Variants in NPRL3 observed in about 807,000 individuals in gnomAD.
The protein encoded by NPRL3 is GATOR1 complex protein NPRL3.
In NPRL3, 23 loss-of-function variants were observed where a neutral mutation model predicts 57.2. The ratio of observed to expected loss-of-function variants is 0.40; its 90% CI spans 0.29 to 0.57. The LOEUF is 0.57. Among genes scored for constraint, NPRL3 ranks in the 20% least tolerant of loss-of-function variants. The probability of loss-of-function intolerance (pLI) is 0.42; values close to 1 mark genes in which losing one functional copy is unlikely to be tolerated. For synonymous variants in NPRL3, 333 were observed against 321.1 expected (o/e 1.04, Z -0.39); for missense variants, 691 against 767.1 (o/e 0.90, Z 1.17).
In NPRL3 at chr16:100,245, C is replaced by T. The variant is rs1022046147; in HGVS notation, c.767+127G>A. On this transcript the variant is annotated intron_variant, in intron 8 of 13. Coordinates refer to ENST00000611875, the MANE Select transcript of NPRL3 (RefSeq NM_001077350.3). ...AACTTCTATAAACGGCAGAGCCCCA[C>T]CTGCAAGCTTCCGCAGTGGGAAGAA... The T allele has an allele frequency of 3.0e-6, 3 of 1,016,116 alleles. No homozygotes were observed. In the East Asian group the frequency reaches 9.2e-5, roughly 31 times the overall value. The allele number at this position is 1,016,116 out of a possible 1,614,324, so 62.9% of individuals were successfully genotyped here. A position where few individuals can be genotyped will look rare whatever the true frequency, so the allele number is the denominator to read the frequency against.
At position 86,818 on chromosome 16, in the gene NPRL3, C is replaced by T. The variant is rs1319822209; in HGVS notation, c.1597G>A (p.Glu533Lys). The change falls in exon 14 of 14, where the codon GAG becomes AAG. Residue 533 changes from glutamate to lysine, a missense_variant. Glu to Lys is a moderately conservative substitution (Grantham distance 56). Transcript: ENST00000611875. ...AGCAGCTGGGAGCGCCGCGTGTTCT[C>T]GTTGTACATAATCTCCTCCAGGTGG... ...RHHLEEIMYN[E>K]NTRRSQLLML... The T allele has an allele frequency of 1.2e-6, 2 of 1,613,338 alleles. No homozygotes were observed. Among genetic ancestry groups the T allele is most frequent in the African/African-American group, 1.3e-5 (1 of 75,058 alleles).
rs756469966 is a variant in NPRL3 at position 99,344 on chromosome 16, T to TG, written c.767+1027dup. Among the ~76,000 whole-genome samples the TG allele has an allele frequency of 7.2e-4, 110 of 152,324 alleles. 1 individual carries two copies. The highest frequency in any genetic ancestry group is 1.4e-3 in the Admixed American group (21 of 15,290). On this transcript the variant is annotated intron_variant, in intron 8 of 13. Coordinates refer to ENST00000611875, the MANE Select transcript of NPRL3 (RefSeq NM_001077350.3). Reference sequence around the variant, plus strand: ...AGAAGACTGGGCTCAGTTCTTTCCTTGCAGAAAATCAATTAAATTGCCAGG... The same window carrying TG: ...AGAAGACTGGGCTCAGTTCTTTCCTTGGCAGAAAATCAATTAAATTGCCAGG...
At position 88,841 on chromosome 16, in the gene NPRL3, G is replaced by A. The variant is rs758047816; in HGVS notation, c.1401C>T (p.Ser467=). 40 of 1,613,724 alleles carry A rather than the reference G, an allele frequency of 2.5e-5. No individual in the cohort carries two copies. Among genetic ancestry groups the A allele is most frequent in the Admixed American group, 5.0e-5 (3 of 59,978 alleles). The change falls in exon 13 of 14, where the codon AGC becomes AGT. Residue 467 remains serine, a synonymous_variant. Coordinates refer to ENST00000611875, the MANE Select transcript of NPRL3 (RefSeq NM_001077350.3). ...AGTCCCCGCTGGGAAGTAGCTCTGCGCTGGAGTTGTCCATGCTGGGGCTGG... is the reference window on the plus strand; with the variant it reads ...AGTCCCCGCTGGGAAGTAGCTCTGCACTGGAGTTGTCCATGCTGGGGCTGG... The part of the protein sequence containing the change: ...TLTSPSMDNS[S]AELLPSGDSP...
intron 9 of NPRL3, 31 bp from the exon 10 acceptor site, chr16:93,356 T>C: frequency 6.9e-7 from 1 of 1,439,282 alleles, no homozygotes; most frequent in Non-Finnish European, 9.6e-7. Context: ...GCAAGGACCA[T>C]GCCTGAGGCT....
rs376154100 is a variant in NPRL3 at position 119,113 on chromosome 16, G to A, written c.318+13C>T. ...GCCCAGGGAGAGCCCCACCTGCCCA[G>A]GGAGAGCCATACCTGCCCCAGAGCA... On this transcript the variant is annotated intron_variant, in intron 4 of 13. Coordinates refer to ENST00000611875, the MANE Select transcript of NPRL3 (RefSeq NM_001077350.3). 18 of 1,611,996 alleles carry A rather than the reference G, an allele frequency of 1.1e-5. No individual in the cohort carries two copies. Among genetic ancestry groups the A allele is most frequent in the Admixed American group, 1.7e-5 (1 of 59,816 alleles).
intron 7 of NPRL3, among the ~76,000 whole-genome samples, chr16:103,295 G>GTTTTTTT (rs1331235205): frequency 3.1e-4 from 5 of 15,914 alleles, no homozygotes; most frequent in Non-Finnish European, 5.7e-4. Context: ...CGCCTGGGGT[G>GTTTTTTT]ATTTTTTTTT....
At chr16:124,666 ACTTCC>A (rs1350356938) in intron 3 of NPRL3, among the ~76,000 whole-genome samples, 1 of 152,254 alleles carries the variant, frequency 6.6e-6, no homozygotes, top group Non-Finnish European at 1.5e-5. Flanking sequence ...AGCACACCTG[ACTTCC>A]CTAAGCCTCT....
intron 3 of NPRL3, among the ~76,000 whole-genome samples, chr16:130,241 T>C (rs746473423): frequency 5.3e-5 from 8 of 152,212 alleles, no homozygotes; most frequent in African/African-American, 9.6e-5. Context: ...GTTTCTTTCA[T>C]AGGAGATAAA....
rs1899381750 is a variant in NPRL3, at chr16:103,296, A to ATTTTTTCTTTTTTTTTT, written c.630-2788_630-2787insAAAAAAAAAAGAAAAAA. On this transcript the variant is annotated intron_variant, in intron 7 of 13. Transcript: ENST00000611875. Reference sequence around the variant, plus strand: ...GACGTGCAACATCACGCCTGGGGTGATTTTTTTTTTTTTTTTTTTTTTTTT... The same window carrying ATTTTTTCTTTTTTTTTT: ...GACGTGCAACATCACGCCTGGGGTGATTTTTTCTTTTTTTTTTTTTTTTTTTTTTTTTTTTTTTTTTT... Among the ~76,000 whole-genome samples the ATTTTTTCTTTTTTTTTT allele has an allele frequency of 1.7e-4, 7 of 42,126 alleles. 1 individual carries two copies. The South Asian group carries it at 4.8e-3, about 29-fold the overall frequency. The allele number at this position is 42,126 out of a possible 152,430, so 27.6% of individuals were successfully genotyped here.
intron 9 of NPRL3, among the ~76,000 whole-genome samples, chr16:97,410 A>ATTTTTTTTT (rs34410203): frequency 2.7e-4 from 31 of 115,046 alleles, no homozygotes; most frequent in African/African-American, 4.4e-4. Context: ...ACACCCAGCT[A>ATTTTTTTTT]TTTTTTTTTT....
chr16:91,393 T>G (rs533276885), intron 11 of NPRL3, among the ~76,000 whole-genome samples: 15 of 152,132 alleles, frequency 9.9e-5, no homozygotes, highest in Admixed American at 3.9e-4. Context: ...AAACCAAAAA[T>G]AAAACAGAGG....
intron 3 of NPRL3, among the ~76,000 whole-genome samples, chr16:121,098 A>G (rs1009879169): frequency 6.6e-6 from 1 of 152,166 alleles, no homozygotes; most frequent in Non-Finnish European, 1.5e-5. Flanking sequence ...TGTCATAAAG[A>G]GTCACAGCCA....
At chr16:96,774 G>C (rs1025190543) in intron 9 of NPRL3, among the ~76,000 whole-genome samples, 1 of 151,850 alleles carries the variant, frequency 6.6e-6, no homozygotes, top group African/African-American at 2.4e-5. Flanking sequence ...GACAGAGCAA[G>C]AACCTGTCTC....
intron 7 of NPRL3, 124 bp from the exon 8 acceptor site, chr16:100,633 C>A: frequency 2.1e-6 from 2 of 948,326 alleles, no homozygotes; most frequent in Non-Finnish European, 1.4e-6. Context: ...GGTGGAGACC[C>A]GGGCAGGAGA....
intron 2 of NPRL3, among the ~76,000 whole-genome samples, chr16:137,552 T>C (rs1430234409): frequency 8.4e-6 from 1 of 118,890 alleles, no homozygotes; most frequent in Non-Finnish European, 1.7e-5. Context: ...TTCACGTAAC[T>C]TTTTTTTTTT....
At chr16:105,057 A>C (rs1899469432) in intron 7 of NPRL3, among the ~76,000 whole-genome samples, 1 of 152,056 alleles carries the variant, frequency 6.6e-6, no homozygotes, top group Non-Finnish European at 1.5e-5. Flanking sequence ...GTCTGAAAAC[A>C]CTCTGGAGGA....
intron 9 of NPRL3, among the ~76,000 whole-genome samples, chr16:94,821 C>T (rs996292270): frequency 6.6e-6 from 1 of 152,106 alleles, no homozygotes; most frequent in Non-Finnish European, 1.5e-5. Context: ...AAAAAGACAC[C>T]CCCACTTTCC....
chr16:85,822 G>T lies in NPRL3; in HGVS notation c.*883C>A. Reference sequence around the variant, plus strand: ...AAGATTTTTTAATTGTTTAAAAACCGAATAAATGTTTTATTTCTAGAAAAC... The same window carrying T: ...AAGATTTTTTAATTGTTTAAAAACCTAATAAATGTTTTATTTCTAGAAAAC... On this transcript the variant is annotated 3_prime_UTR_variant, in exon 14 of 14. Transcript: ENST00000611875. 4 of 1,443,168 alleles carry T rather than the reference G, an allele frequency of 2.8e-6. No individual in the cohort carries two copies. Among genetic ancestry groups the T allele is most frequent in the South Asian group, 1.7e-5 (1 of 59,848 alleles). The allele number at this position is 1,443,168 out of a possible 1,614,324, so 89.4% of individuals were successfully genotyped here.
chr16:136,602 G>C (rs1901093286), intron 2 of NPRL3, among the ~76,000 whole-genome samples: 1 of 150,796 alleles, frequency 6.6e-6, no homozygotes, highest in Non-Finnish European at 1.5e-5. Context: ...TGAGGCAGGA[G>C]AATTGCTTGA....
Sources: gnomAD v4.1 joint callset for allele counts (sites outside exome capture counted in the v4.1 genomes callset) on GRCh38, gnomAD v4.1.1 for gene constraint, MANE v1.5 for transcripts, NCBI Gene and HGNC (gene_info 2026-07-23, HGNC 2026-07-21) for gene names.